NCKAP5: variants seen among roughly 807,000 people sequenced by gnomAD.
NCKAP5 encodes the protein nck-associated protein 5.
NCKAP5 carries 92 observed loss-of-function variants against 167.0 expected under a neutral mutation model. The observed-to-expected ratio is 0.55, with a 90% CI of 0.47 to 0.66. NCKAP5 has a LOEUF of 0.66. Among genes scored for constraint, NCKAP5 ranks in the 30% least tolerant of loss-of-function variants. NCKAP5 has a pLI of 0.00. For synonymous variants in NCKAP5, 891 were observed against 877.4 expected (o/e 1.02, Z -0.27); for missense variants, 2,378 against 2,315.0 (o/e 1.03, Z -0.56).
At chr2:132,986,334 C>T (rs2077286017) in intron 7 of NCKAP5, among the ~76,000 whole-genome samples, 1 of 152,194 alleles carries the variant, frequency 6.6e-6, no homozygotes, top group African/African-American at 2.4e-5. Context: ...ATGTACCTCA[C>T]TGGTTCCTAG....
chr2:133,292,078 G>GA (rs1357973277), intron 4 of NCKAP5, among the ~76,000 whole-genome samples: 1 of 152,162 alleles, frequency 6.6e-6, no homozygotes, highest in Non-Finnish European at 1.5e-5. Flanking sequence ...AAATTAAGAA[G>GA]AATGGGATGG....
intron 4 of NCKAP5, among the ~76,000 whole-genome samples, chr2:133,294,207 C>A (rs953711592): frequency 7.2e-5 from 11 of 152,164 alleles, no homozygotes; most frequent in Admixed American, 7.2e-4. Flanking sequence ...ATTAAGAATT[C>A]ATGCAGAGCA....
intron 4 of NCKAP5, among the ~76,000 whole-genome samples, chr2:133,243,639 G>A (rs1024095966): frequency 6.6e-6 from 1 of 152,266 alleles, no homozygotes; most frequent in Non-Finnish European, 1.5e-5. Flanking sequence ...TCCCACTTTT[G>A]CTCAGTATTT....
chr2:133,390,647 TC>T lies in NCKAP5; in HGVS notation c.70-87538del, dbSNP rs1274140855. Among the ~76,000 whole-genome samples the T allele has an allele frequency of 5.3e-5, 8 of 152,248 alleles. 1 individual carries two copies. The highest frequency in any genetic ancestry group is 1.9e-4 in the African/African-American group (8 of 41,546). On this transcript the variant is annotated intron_variant, in intron 3 of 19. Coordinates refer to ENST00000409261, the MANE Select transcript of NCKAP5 (RefSeq NM_207363.3). ...ACCAACTTTTCATCAGCCTCTAATT[TC>T]CCCTAGAGTAGTGGTTCTTAACCCT...
intron 5 of NCKAP5, among the ~76,000 whole-genome samples, chr2:133,135,887 T>C (rs903680574): frequency 3.3e-5 from 5 of 152,200 alleles, no homozygotes; most frequent in Non-Finnish European, 2.9e-5. Context: ...GTACAGCTTA[T>C]ATTGTCTAAT....
chr2:133,063,182 G>A (rs1337718458), intron 6 of NCKAP5, among the ~76,000 whole-genome samples: 1 of 152,198 alleles, frequency 6.6e-6, no homozygotes, highest in Non-Finnish European at 1.5e-5. Flanking sequence ...TGAGTTGCCA[G>A]AAATGTTACT....
intron 12 of NCKAP5, among the ~76,000 whole-genome samples, chr2:132,791,323 C>T (rs768697182): frequency 2.8e-4 from 43 of 152,204 alleles, no homozygotes; most frequent in Non-Finnish European, 5.4e-4. Context: ...TACCATTTGG[C>T]TATCCACATG....
At chr2:132,690,181 T>G (rs1686535777) in intron 19 of NCKAP5, among the ~76,000 whole-genome samples, 1 of 152,132 alleles carries the variant, frequency 6.6e-6, no homozygotes, top group South Asian at 2.1e-4. Flanking sequence ...CATGTCTGTG[T>G]GGGTTTTCTC....
At chr2:133,110,456 C>A (rs1346587455) in intron 6 of NCKAP5, among the ~76,000 whole-genome samples, 1 of 152,088 alleles carries the variant, frequency 6.6e-6, no homozygotes, top group Non-Finnish European at 1.5e-5. Context: ...GTGCAGGGGA[C>A]ACTGGGGAGG....
intron 6 of NCKAP5, among the ~76,000 whole-genome samples, chr2:133,054,308 C>A (rs530537611): frequency 2.0e-5 from 3 of 152,190 alleles, no homozygotes; most frequent in African/African-American, 7.2e-5. Flanking sequence ...AGAACCTGTA[C>A]AGAAATAACC....
At chr2:132,703,607 T>A (rs908866962) in intron 19 of NCKAP5, among the ~76,000 whole-genome samples, 1 of 152,190 alleles carries the variant, frequency 6.6e-6, no homozygotes. Context: ...CGTTGAAGAC[T>A]TGGAGTTGCT....
At chr2:132,857,968 A>T (rs1046693903) in intron 11 of NCKAP5, among the ~76,000 whole-genome samples, 3 of 152,208 alleles carry the variant, frequency 2.0e-5, no homozygotes, top group Non-Finnish European at 4.4e-5. Context: ...GCTGTTTCTT[A>T]TAAGTTATTT....
At chr2:133,576,702 G>A in the NCKAP5 span, among the ~76,000 whole-genome samples, 1 of 152,214 alleles carries the variant, frequency 6.6e-6, no homozygotes, top group Non-Finnish European at 1.5e-5. Flanking sequence ...GGGTAACTAA[G>A]ATTGTACAGA....
At chr2:133,154,081 A>G (rs372589927) in intron 5 of NCKAP5, among the ~76,000 whole-genome samples, 6 of 152,034 alleles carry the variant, frequency 3.9e-5, no homozygotes, top group African/African-American at 1.4e-4. Flanking sequence ...GCCTCAGGTT[A>G]TCCACCCTCC....
chr2:132,777,161 A>G (rs961386500), intron 15 of NCKAP5, among the ~76,000 whole-genome samples: 5 of 152,130 alleles, frequency 3.3e-5, no homozygotes, highest in Non-Finnish European at 7.4e-5. Context: ...TCTTCTAATG[A>G]TTTATCTCTA....
intron 4 of NCKAP5, among the ~76,000 whole-genome samples, chr2:133,238,778 T>C (rs1162592312): frequency 6.6e-6 from 1 of 152,188 alleles, no homozygotes; most frequent in East Asian, 1.9e-4. Flanking sequence ...AAAAAACATT[T>C]CAAGTATCAG....
chr2:133,657,893 C>A, the NCKAP5 span, among the ~76,000 whole-genome samples: 6 of 152,148 alleles, frequency 3.9e-5, no homozygotes, highest in East Asian at 7.7e-4. Context: ...AAAAGACAAC[C>A]AGTTCTGAAC....
At chr2:132,700,832 C>T (rs896210623) in intron 19 of NCKAP5, among the ~76,000 whole-genome samples, 2 of 147,846 alleles carry the variant, frequency 1.4e-5, no homozygotes, top group African/African-American at 2.5e-5. Flanking sequence ...AAGTGGAAGT[C>T]GTTTTCTTAA....
In NCKAP5 at chr2:133,492,421, C is replaced by T. The variant is rs571698244; in HGVS notation, c.69+25037G>A. On this transcript the variant is annotated intron_variant, in intron 3 of 19. Coordinates refer to ENST00000409261, the MANE Select transcript of NCKAP5 (RefSeq NM_207363.3). ...CAGGTCTGTGGGTTCTTGCGGAAAG[C>T]GGGACTGTGCCTGTGATTTTCAGTT... Among the ~76,000 whole-genome samples, 4 of 152,236 alleles carry T rather than the reference C, an allele frequency of 2.6e-5. No homozygotes were observed. The South Asian group carries it at 8.3e-4, about 32-fold the overall frequency.
Sources: gnomAD v4.1 joint callset for allele counts (sites outside exome capture counted in the v4.1 genomes callset) on GRCh38, gnomAD v4.1.1 for gene constraint, MANE v1.5 for transcripts, NCBI Gene and HGNC (gene_info 2026-07-23, HGNC 2026-07-21) for gene names.